PFDN1: variants seen among roughly 807,000 people sequenced by gnomAD.
The protein encoded by PFDN1 is prefoldin subunit 1, also known as prefoldin 1.
PFDN1 carries 6 observed loss-of-function variants against 17.3 expected under a neutral mutation model. The ratio of observed to expected loss-of-function variants is 0.35; its 90% CI spans 0.19 to 0.69. The LOEUF (loss-of-function observed/expected upper bound fraction) is 0.69, where lower values mean the gene tolerates loss of function less well. Among genes scored for constraint, PFDN1 ranks in the 30% least tolerant of loss-of-function variants. The pLI is 0.65. For synonymous variants in PFDN1, 58 were observed against 50.1 expected (o/e 1.16, Z -0.67); for missense variants, 113 against 146.2 (o/e 0.77, Z 1.17).
At chr5:140,268,002 T>A (rs994252061) in intron 3 of PFDN1, among the ~76,000 whole-genome samples, 1 of 152,244 alleles carries the variant, frequency 6.6e-6, no homozygotes, top group Non-Finnish European at 1.5e-5. Context: ...ATACAATGCA[T>A]CTGTGTCCAT....
chr5:140,298,073 A>G (rs1204357399), intron 2 of PFDN1, among the ~76,000 whole-genome samples: 3 of 152,168 alleles, frequency 2.0e-5, no homozygotes, highest in Non-Finnish European at 4.4e-5. Context: ...CTTTGTTCCA[A>G]TTCTTTTGTG....
chr5:140,264,902 A>G (rs1433734653), intron 3 of PFDN1, among the ~76,000 whole-genome samples: 1 of 152,198 alleles, frequency 6.6e-6, no homozygotes, highest in Non-Finnish European at 1.5e-5. Flanking sequence ...GTGTGTGTAC[A>G]TAATATGTGA....
intron 3 of PFDN1, among the ~76,000 whole-genome samples, chr5:140,279,023 A>G (rs1371640892): frequency 2.0e-5 from 3 of 151,910 alleles, no homozygotes; most frequent in Non-Finnish European, 2.9e-5. Context: ...TGGGAATCAA[A>G]AAAAGAAATT....
At chr5:140,302,271 C>T (rs1765759398) in intron 1 of PFDN1, among the ~76,000 whole-genome samples, 1 of 152,148 alleles carries the variant, frequency 6.6e-6, no homozygotes, top group Admixed American at 6.5e-5. Flanking sequence ...CTTTCCAATC[C>T]ACCCCACCGC....
intron 3 of PFDN1, among the ~76,000 whole-genome samples, chr5:140,266,554 G>A (rs1021231456): frequency 1.3e-5 from 2 of 152,154 alleles, no homozygotes; most frequent in Non-Finnish European, 1.5e-5. Flanking sequence ...AAAGTAATCA[G>A]GTTTAGACAC....
intron 3 of PFDN1, among the ~76,000 whole-genome samples, chr5:140,266,785 T>G (rs1256643328): frequency 6.6e-6 from 1 of 152,262 alleles, no homozygotes; most frequent in African/African-American, 2.4e-5. Context: ...GGCATTTAAA[T>G]CATTCCTTCA....
intron 3 of PFDN1, among the ~76,000 whole-genome samples, chr5:140,268,348 T>C (rs1765161379): frequency 6.6e-6 from 1 of 152,136 alleles, no homozygotes; most frequent in Non-Finnish European, 1.5e-5. Context: ...TAAGATACAA[T>C]TCATTAAAAA....
At chr5:140,294,496 A>G (rs1308760262) in intron 2 of PFDN1, among the ~76,000 whole-genome samples, 1 of 152,052 alleles carries the variant, frequency 6.6e-6, no homozygotes, top group Non-Finnish European at 1.5e-5. Context: ...AACATTTAAC[A>G]TAACTAAGGG....
intron 3 of PFDN1, among the ~76,000 whole-genome samples, chr5:140,280,242 T>C (rs1199567558): frequency 1.0e-5 from 1 of 97,654 alleles, no homozygotes; most frequent in African/African-American, 5.5e-5. Context: ...TATATTTACC[T>C]ACAGTTGCAA....
chr5:140,263,838 A>G (rs1015029685), intron 3 of PFDN1, among the ~76,000 whole-genome samples: 20 of 151,404 alleles, frequency 1.3e-4, no homozygotes, highest in Non-Finnish European at 2.1e-4. Context: ...TGACTAACAC[A>G]GTGAAACCCC....
intron 3 of PFDN1, among the ~76,000 whole-genome samples, chr5:140,267,905 T>G (rs1765156782): frequency 6.6e-6 from 1 of 152,246 alleles, no homozygotes; most frequent in Non-Finnish European, 1.5e-5. Flanking sequence ...TTTCCTGACC[T>G]GGAAGTATTG....
intron 3 of PFDN1, among the ~76,000 whole-genome samples, chr5:140,247,746 C>G (rs1764850011): frequency 6.6e-6 from 1 of 152,172 alleles, no homozygotes; most frequent in South Asian, 2.1e-4. Flanking sequence ...TAAGACCAGC[C>G]TGGCCAACAT....
chr5:140,257,716 T>C (rs529528625), intron 3 of PFDN1, among the ~76,000 whole-genome samples: 1 of 152,336 alleles, frequency 6.6e-6, no homozygotes, highest in Admixed American at 6.5e-5. Context: ...ACATAATTCA[T>C]CTAACCAACA....
At chr5:140,248,145 T>C (rs1345583333) in intron 3 of PFDN1, among the ~76,000 whole-genome samples, 3 of 150,306 alleles carry the variant, frequency 2.0e-5, no homozygotes, top group Non-Finnish European at 4.4e-5. Flanking sequence ...CTCGGCTCAC[T>C]GCAACCTCCG....
chr5:140,294,762 T>C (rs575305161), intron 2 of PFDN1, among the ~76,000 whole-genome samples: 7 of 152,200 alleles, frequency 4.6e-5, no homozygotes, highest in South Asian at 2.1e-4. Context: ...GCCACATTTA[T>C]CTTAAGTTTT....
At chr5:140,247,540 T>C (rs1405930011) in intron 3 of PFDN1, among the ~76,000 whole-genome samples, 2 of 152,204 alleles carry the variant, frequency 1.3e-5, no homozygotes, top group Non-Finnish European at 2.9e-5. Context: ...TTCCTGTCTG[T>C]CCTCTCCTTG....
chr5:140,295,563 G>T (rs970323804), intron 2 of PFDN1, among the ~76,000 whole-genome samples: 1 of 152,148 alleles, frequency 6.6e-6, no homozygotes, highest in East Asian at 1.9e-4. Context: ...GAAATTGGTG[G>T]TAGTAGTATC....
chr5:140,280,077 A>T (rs994923386), intron 3 of PFDN1, among the ~76,000 whole-genome samples: 4 of 151,732 alleles, frequency 2.6e-5, no homozygotes, highest in African/African-American at 4.8e-5. Flanking sequence ...CCTACGTCCC[A>T]TCTAATTTCT....
chr5:140,281,816 T>TCAATTGAGACTGAGATATCAAAGC (rs1765406138), intron 2 of PFDN1: 2 of 285,850 alleles, frequency 7.0e-6, no homozygotes, highest in Admixed American at 5.2e-5. Flanking sequence ...GGTGGGAGGA[T>TCAATTGAGACTGAGATATCAAAGC]TGTTTGAGCC....
Sources: gnomAD v4.1 joint callset for allele counts (sites outside exome capture counted in the v4.1 genomes callset) on GRCh38, gnomAD v4.1.1 for gene constraint, MANE v1.5 for transcripts, NCBI Gene and HGNC (gene_info 2026-07-23, HGNC 2026-07-21) for gene names.